DZIP1L: variants seen among roughly 807,000 people sequenced by gnomAD.
DZIP1L encodes DAZ interacting zinc finger protein 1 like, also known as cilium assembly protein DZIP1L.
DZIP1L carries 90 observed loss-of-function variants against 88.7 expected under a neutral mutation model. That is an observed-to-expected ratio of 1.02 (90% CI 0.86 to 1.21). The LOEUF is 1.21. Among genes scored for constraint, DZIP1L ranks in the 50% most tolerant of loss-of-function variants. DZIP1L has a pLI of 0.00. For synonymous variants in DZIP1L, 363 were observed against 372.1 expected, an observed-to-expected ratio of 0.98 and a Z score of 0.28; for missense variants, 932 against 955.8, an observed-to-expected ratio of 0.98 and a Z score of 0.33.
At chr3:138,100,076 G>A (rs145964990) in intron 2 of DZIP1L, among the ~76,000 whole-genome samples, 32 of 150,896 alleles carry the variant, frequency 2.1e-4, no homozygotes, top group East Asian at 9.8e-4. Flanking sequence ...TTAAGATGCC[G>A]GGCTCAGGTA....
At position 138,097,815 on chromosome 3, in the gene DZIP1L, G is replaced by A. The variant is rs1378257757; in HGVS notation, c.534C>T (p.Ala178=). Reference sequence around the variant, plus strand: ...GCTGGATGTGGCCCCGGAGAAAGGTGGCATTCATGAATGTCTTGTCACACA... The same window carrying A: ...GCTGGATGTGGCCCCGGAGAAAGGTAGCATTCATGAATGTCTTGTCACACA... ...CHLCDKTFMN[A]TFLRGHIQRR... Residue 178 remains alanine (A), a synonymous_variant, in exon 3 of 16, where the codon GCC becomes GCT. Transcript: ENST00000327532. 1.9e-6 allele frequency: 3 copies of A among 1,613,026 alleles called. No homozygotes were observed. Among genetic ancestry groups the A allele is most frequent in the African/African-American group, 2.7e-5 (2 of 74,924 alleles).
intron 3 of DZIP1L, among the ~76,000 whole-genome samples, chr3:138,096,545 G>A (rs189542057): frequency 1.3e-5 from 2 of 152,198 alleles, no homozygotes; most frequent in Non-Finnish European, 2.9e-5. Flanking sequence ...ATATGTCTAC[G>A]GAAAAACAAT....
At chr3:138,083,592 G>C (rs1446663445) in intron 8 of DZIP1L, among the ~76,000 whole-genome samples, 1 of 152,206 alleles carries the variant, frequency 6.6e-6, no homozygotes, top group Non-Finnish European at 1.5e-5. Flanking sequence ...CTCATCAGAG[G>C]CTGTTCATTT....
At chr3:138,068,412 G>T in intron 12 of DZIP1L, 45 bp from the exon 13 acceptor site, 1 of 1,405,682 alleles carries the variant, frequency 7.1e-7, no homozygotes, top group Non-Finnish European at 9.4e-7. Flanking sequence ...ACCCATGCTG[G>T]ATCTCAAGCC....
At chr3:138,114,050 A>G (rs2042656602) in intron 1 of DZIP1L, among the ~76,000 whole-genome samples, 2 of 152,346 alleles carry the variant, frequency 1.3e-5, no homozygotes, top group South Asian at 2.1e-4. Flanking sequence ...TTTCACATGT[A>G]AAAGAAAACT....
intron 5 of DZIP1L, among the ~76,000 whole-genome samples, chr3:138,090,089 G>A (rs371825704): frequency 2.0e-5 from 3 of 152,012 alleles, no homozygotes. Flanking sequence ...GCAGTGAACC[G>A]TGATTGTGCC....
At chr3:138,108,062 C>T in intron 1 of DZIP1L, 2 of 235,602 alleles carry the variant, frequency 8.5e-6, no homozygotes, top group Non-Finnish European at 1.4e-5. Flanking sequence ...CGGCTCACTG[C>T]AAGCTCTGCC....
At chr3:138,109,618 CA>C (rs1436152189) in intron 1 of DZIP1L, among the ~76,000 whole-genome samples, 1 of 152,134 alleles carries the variant, frequency 6.6e-6, no homozygotes, top group Non-Finnish European at 1.5e-5. Context: ...TGTAGGTACC[CA>C]AAGGATTATA....
At chr3:138,075,272 A>G (rs1321272560) in intron 11 of DZIP1L, among the ~76,000 whole-genome samples, 1 of 152,232 alleles carries the variant, frequency 6.6e-6, no homozygotes, top group Admixed American at 6.5e-5. Flanking sequence ...ACAAAGAAAC[A>G]ATAGACTTAA....
Position 138,080,295 on chromosome 3 carries a change from C to CA in DZIP1L, c.1288+271dup, listed in dbSNP as rs1296987024. ...TCAGACGTCCCTCCAAATCCTCACTCAGTTACCTGCTAGCTTTGTGACTCT... is the reference window on the plus strand; with the variant it reads ...TCAGACGTCCCTCCAAATCCTCACTCAAGTTACCTGCTAGCTTTGTGACTCT... On this transcript the variant is annotated intron_variant, in intron 10 of 15. Transcript: ENST00000327532. 8 of 314,500 alleles carry CA rather than the reference C, an allele frequency of 2.5e-5. No homozygotes were observed. In the Admixed American group the frequency reaches 3.1e-4, roughly 12 times the overall value. The allele number at this position is 314,500 out of a possible 1,614,324, so 19.5% of individuals were successfully genotyped here. A position where few individuals can be genotyped will look rare whatever the true frequency, so the allele number is the denominator to read the frequency against.
rs2107827071 is a variant in DZIP1L at position 138,097,853 on chromosome 3, CAG to C, written c.502-8_502-7del. 1.2e-6 allele frequency: 2 copies of C among 1,609,788 alleles called. No individual in the cohort carries two copies. Among genetic ancestry groups the C allele is most frequent in the East Asian group, 4.5e-5 (2 of 44,836 alleles). ...GTCTTGTCACACAGGTGGCACTATA[CAG>C]AGAGGAAGCAATGGGGAGTACAAGA... On this transcript the variant is annotated splice_polypyrimidine_tract_variant and splice_region_variant and intron_variant, in intron 2 of 15. Coordinates refer to ENST00000327532, the MANE Select transcript of DZIP1L (RefSeq NM_173543.3).
At chr3:138,073,418 G>C (rs1943267116) in intron 11 of DZIP1L, among the ~76,000 whole-genome samples, 2 of 152,114 alleles carry the variant, frequency 1.3e-5, no homozygotes, top group Admixed American at 6.6e-5. Context: ...ACACTCCCCA[G>C]TACCAGCCTG....
rs571035002 is a variant in DZIP1L, at chr3:138,063,423, A to C, written c.2143-446T>G. Among the ~76,000 whole-genome samples, 1 of 152,348 alleles carries C rather than the reference A, an allele frequency of 6.6e-6. No individual in the cohort carries two copies. Among genetic ancestry groups the C allele is most frequent in the South Asian group, 2.1e-4 (1 of 4,828 alleles). On this transcript the variant is annotated intron_variant, in intron 15 of 15. Transcript: ENST00000327532. The surrounding 1 kb of genome is among the most constrained non-coding windows in gnomAD (Gnocchi z 4.1). Reference sequence around the variant, plus strand: ...TCAGGTCTGGTAAACATCCTGACTGAAGGAGCATGAGAGGAGCTTGGGAGC... The same window carrying C: ...TCAGGTCTGGTAAACATCCTGACTGCAGGAGCATGAGAGGAGCTTGGGAGC...
chr3:138,084,055 C>T (rs1943803681), intron 8 of DZIP1L, 58 bp downstream of exon 8: 4 of 1,585,268 alleles, frequency 2.5e-6, no homozygotes, highest in Non-Finnish European at 3.4e-6. Context: ...CAAGGAGATC[C>T]TCACAGGAAA....
chr3:138,096,667 C>CA (rs1174158440), intron 3 of DZIP1L, among the ~76,000 whole-genome samples: 1 of 151,256 alleles, frequency 6.6e-6, no homozygotes, highest in Non-Finnish European at 1.5e-5. Context: ...TATTTTTATT[C>CA]AAAAAAAATT....
intron 11 of DZIP1L, among the ~76,000 whole-genome samples, chr3:138,072,566 T>C (rs1162289612): frequency 6.6e-6 from 1 of 152,030 alleles, no homozygotes; most frequent in East Asian, 1.9e-4. Flanking sequence ...TAATAATAGG[T>C]GTGTTTTTAT....
In DZIP1L at chr3:138,067,707, CGAG is replaced by C. The variant is rs751487891; in HGVS notation, c.1833-10_1833-8del. The C allele has an allele frequency of 4.6e-6, 7 of 1,537,390 alleles. No homozygotes were observed. The highest frequency in any genetic ancestry group is 2.5e-5 in the East Asian group (1 of 40,610). On this transcript the variant is annotated splice_polypyrimidine_tract_variant and splice_region_variant and intron_variant, in intron 13 of 15. Transcript: ENST00000327532. ...AGAACTGAACGGGGGCGTGCTGCCA[CGAG>C]GAGGAGAAGAAATGAGGGATGCATG...
rs148022296 is a variant in DZIP1L, at chr3:138,064,451, T to G, written c.2142+177A>C. 1.2e-4 allele frequency: 187 copies of G among 1,585,574 alleles called. No individual in the cohort carries two copies. The African/African-American group carries it at 2.3e-3, about 19-fold the overall frequency. ...TTTAATGTTAACTTGGATACAAGTATTCCAAACTGGCCATCTCTCCATGTG... is the reference window on the plus strand; with the variant it reads ...TTTAATGTTAACTTGGATACAAGTAGTCCAAACTGGCCATCTCTCCATGTG... On this transcript the variant is annotated intron_variant, in intron 15 of 15. Coordinates refer to ENST00000327532, the MANE Select transcript of DZIP1L (RefSeq NM_173543.3).
Position 138,097,789 on chromosome 3 carries a change from C to T in DZIP1L, c.560G>A (p.Arg187His), listed in dbSNP as rs199620264. 2.2e-5 allele frequency: 35 copies of T among 1,612,744 alleles called. No homozygotes were observed. Among genetic ancestry groups the T allele is most frequent in the Admixed American group, 5.0e-5 (3 of 59,858 alleles). The change falls in exon 3 of 16, where the codon CGC (arginine) becomes CAC (histidine). Residue 187 changes from arginine to histidine, a missense_variant. Arg to His is a conservative substitution (Grantham distance 29). Coordinates refer to ENST00000327532, the MANE Select transcript of DZIP1L (RefSeq NM_173543.3). ...ACCTTCTGCCACGCCTGCATGCCTGCGCTGGATGTGGCCCCGGAGAAAGGT... is the reference window on the plus strand; with the variant it reads ...ACCTTCTGCCACGCCTGCATGCCTGTGCTGGATGTGGCCCCGGAGAAAGGT... Reference protein sequence around the residue: ...NATFLRGHIQRRHAGVAEGGK... With the variant: ...NATFLRGHIQHRHAGVAEGGK...
Sources: allele counts gnomAD v4.1 joint callset (sites outside exome capture counted in the v4.1 genomes callset), GRCh38; gene constraint gnomAD v4.1.1; non-coding constraint Gnocchi (gnomAD v3.1); transcripts MANE v1.5; gene names NCBI Gene and HGNC (gene_info 2026-07-23, HGNC 2026-07-21).